Variants in DICER1 observed in about 807,000 individuals in gnomAD.
The protein encoded by DICER1 is endoribonuclease Dicer.
DICER1 carries 43 observed loss-of-function variants against 194.1 expected under a neutral mutation model. The observed-to-expected ratio is 0.22, with a 90% CI of 0.17 to 0.29. The LOEUF is 0.29. Ranked by LOEUF, DICER1 falls within the 10% of genes least tolerant of loss-of-function variation. DICER1 has a pLI of 1.00. For missense variants in DICER1, 1,608 were observed against 2,317.0 expected (o/e 0.69, Z 6.28); for synonymous variants, 832 against 820.5 (o/e 1.01, Z -0.24).
chr14:95,090,195 C>G lies in DICER1; in HGVS notation c.*303G>C. On this transcript the variant is annotated 3_prime_UTR_variant, in exon 27 of 27. Coordinates refer to ENST00000343455, the MANE Select transcript of DICER1 (RefSeq NM_177438.3). Reference sequence around the variant, plus strand: ...TCAAAAAAAAAAAAACAAAACCTGTCAATTATTTTGAGCACTTGCTAAATG... The same window carrying G: ...TCAAAAAAAAAAAAACAAAACCTGTGAATTATTTTGAGCACTTGCTAAATG... 2.3e-6 allele frequency: 1 copy of G among 428,986 alleles called. No homozygotes were observed. Among genetic ancestry groups the G allele is most frequent in the South Asian group, 2.5e-5 (1 of 40,268 alleles). The allele number at this position is 428,986 out of a possible 1,614,324, so 26.6% of individuals were successfully genotyped here.
intron 8 of DICER1, among the ~76,000 whole-genome samples, chr14:95,119,266 G>A (rs1022726551): frequency 1.3e-5 from 2 of 151,994 alleles, no homozygotes; most frequent in Non-Finnish European, 2.9e-5. Context: ...AAGAAATAGA[G>A]GCAACAACAG....
At chr14:95,106,323 T>A in intron 17 of DICER1, 100 bp from the exon 18 acceptor site, 2 of 904,170 alleles carry the variant, frequency 2.2e-6, no homozygotes, top group Non-Finnish European at 3.5e-6. Context: ...GATTAAGAAT[T>A]CAAAAGATTA....
chr14:95,136,790 C>T (rs139513971), intron 1 of DICER1: 1 of 152,342 alleles, frequency 6.6e-6, no homozygotes, highest in East Asian at 1.9e-4. Context: ...TGAAAAGATC[C>T]AGCCTTAGGA....
chr14:95,135,662 G>A (rs1894307188), intron 1 of DICER1, among the ~76,000 whole-genome samples: 1 of 152,152 alleles, frequency 6.6e-6, no homozygotes, highest in Admixed American at 6.5e-5. Flanking sequence ...CATAAAGATG[G>A]AAATAACAGA....
In DICER1 at chr14:95,095,753, C is replaced by G. The variant is rs576096928; in HGVS notation, c.5095+72G>C. ...ACTGTACATGCATAGATCACTTTTA[C>G]AAGGCCAACACGATGAGATCAACAC... On this transcript the variant is annotated intron_variant, in intron 23 of 26. Transcript: ENST00000343455. The G allele has an allele frequency of 2.9e-5, 44 of 1,534,440 alleles. No homozygotes were observed. The African/African-American group carries it at 5.2e-4, about 18-fold the overall frequency.
rs780197735 is a variant in DICER1 at position 95,105,644 on chromosome 14, A to T, written c.3093+34T>A. ...TTAATAATCTTTAATACTCAAACAA[A>T]TACTAAGTTATGCTAGTACAATTAA... On this transcript the variant is annotated intron_variant, in intron 19 of 26. Transcript: ENST00000343455. This position sits in a 1 kb window ranked among gnomAD's most constrained non-coding sequence, Gnocchi z 4.9. 57 of 1,403,502 alleles carry T rather than the reference A, an allele frequency of 4.1e-5. No homozygotes were observed. The highest frequency in any genetic ancestry group is 5.7e-5 in the Non-Finnish European group (56 of 988,760). The allele number at this position is 1,403,502 out of a possible 1,614,324, so 86.9% of individuals were successfully genotyped here.
intron 8 of DICER1, among the ~76,000 whole-genome samples, chr14:95,119,865 G>C (rs1892790785): frequency 6.6e-6 from 1 of 152,182 alleles, no homozygotes. Flanking sequence ...TGCTCTAAGA[G>C]TTTCTAAATG....
chr14:95,128,065 C>T (rs897187107), intron 6 of DICER1, among the ~76,000 whole-genome samples: 10 of 152,120 alleles, frequency 6.6e-5, no homozygotes, highest in Non-Finnish European at 1.5e-5. Context: ...AAGGAAAACT[C>T]CCCCAACTTT....
intron 11 of DICER1, among the ~76,000 whole-genome samples, chr14:95,114,795 G>A (rs1305772165): frequency 1.1e-4 from 16 of 152,154 alleles, no homozygotes; most frequent in Admixed American, 9.8e-4. Context: ...GGACACCATC[G>A]TCTCAGTGAT....
chr14:95,104,937 C>A (rs1181753526), intron 20 of DICER1, 134 bp downstream of exon 20: 4 of 857,734 alleles, frequency 4.7e-6, no homozygotes, highest in South Asian at 3.1e-5. Context: ...TGAGACTTGA[C>A]AAGACATAAG....
chr14:95,089,716 G>A lies in DICER1; in HGVS notation c.*782C>T, dbSNP rs563551631. On this transcript the variant is annotated 3_prime_UTR_variant, in exon 27 of 27. Transcript: ENST00000343455. ...CCTGTAATAAGTTACAACTATACTA[G>A]TGAGTTGTAAGTATCACGCTGTCTC... 44 of 232,064 alleles carry A rather than the reference G, an allele frequency of 1.9e-4. 1 individual carries two copies. Among genetic ancestry groups the A allele is most frequent in the Admixed American group, 9.6e-4 (17 of 17,758 alleles). 14.4% of individuals were successfully genotyped at this position (232,064 alleles called of 1,614,324 possible).
rs781651918 is a variant in DICER1 at position 95,105,136 on chromosome 14, C to T, written c.3204G>A (p.Glu1068=). 16 of 1,614,196 alleles carry T rather than the reference C, an allele frequency of 9.9e-6. No individual in the cohort carries two copies. The highest frequency in any genetic ancestry group is 2.2e-5 in the South Asian group (2 of 91,082). The part of the protein sequence containing the change: ...LYRLHCLLTA[E]ELRAQTASDA... ...CGCTGGCAGTCTGGGCTCTTAGCTC[C>T]TCTGCAGTCAAAAGGCAGTGAAGGC... The change falls in exon 20 of 27, where the codon GAG becomes GAA. Residue 1068 remains glutamate, a synonymous_variant. Transcript: ENST00000343455. This position sits in a 1 kb window ranked among gnomAD's most constrained non-coding sequence, Gnocchi z 4.9.
chr14:95,132,245 T>A (rs1212483288), intron 3 of DICER1, among the ~76,000 whole-genome samples: 14 of 152,166 alleles, frequency 9.2e-5, no homozygotes, highest in Admixed American at 9.2e-4. Context: ...AAAAAATAAA[T>A]GTAACAACTT....
Position 95,116,513 on chromosome 14 carries a change from C to T in DICER1, c.1692G>A (p.Ala564=), listed in dbSNP as rs143117334. ...RAPISNYIML[A]DTDKIKSFEE... ...CAAAACTTTTTATTTTGTCTGTATC[C>T]GCTAACATTATATAATTAGAGATGG... Residue 564 remains alanine, a synonymous_variant, in exon 10 of 27, where the codon GCG becomes GCA. Coordinates refer to ENST00000343455, the MANE Select transcript of DICER1 (RefSeq NM_177438.3). 9.4e-5 allele frequency: 152 copies of T among 1,613,474 alleles called. No homozygotes were observed. In the East Asian group the frequency reaches 1.3e-3, roughly 14 times the overall value.
rs1595299810 is a variant in DICER1, at chr14:95,087,009, T to C, written c.*3489A>G. The stretch of plus-strand genomic sequence containing the variant: ...GGTCTCAGTTTGGTGGCTTCAATCT[T>C]GTGTAAAGGGATTAGACACCCTAAC... On this transcript the variant is annotated 3_prime_UTR_variant, in exon 27 of 27. Coordinates refer to ENST00000343455, the MANE Select transcript of DICER1 (RefSeq NM_177438.3). 14 of 233,138 alleles carry C rather than the reference T, an allele frequency of 6.0e-5. No homozygotes were observed. In the East Asian group the frequency reaches 8.5e-4, roughly 14 times the overall value. The allele number at this position is 233,138 out of a possible 1,614,324, so 14.4% of individuals were successfully genotyped here. A position where few individuals can be genotyped will look rare whatever the true frequency, so the allele number is the denominator to read the frequency against.
intron 1 of DICER1, among the ~76,000 whole-genome samples, chr14:95,155,556 A>T (rs948182015): frequency 1.3e-5 from 2 of 150,626 alleles, no homozygotes; most frequent in African/African-American, 5.0e-5. Context: ...CAACCTAGCT[A>T]CCCAACTCAC....
chr14:95,154,653 T>C (rs888253379), intron 1 of DICER1, among the ~76,000 whole-genome samples: 7 of 152,122 alleles, frequency 4.6e-5, no homozygotes, highest in African/African-American at 1.7e-4. Flanking sequence ...GTTTCTCCAG[T>C]AGTCAGTGAC....
chr14:95,138,334 A>G (rs1292600009), intron 1 of DICER1, among the ~76,000 whole-genome samples: 1 of 151,886 alleles, frequency 6.6e-6, no homozygotes, highest in Non-Finnish European at 1.5e-5. Context: ...GTGGAAAAAA[A>G]AAACAGAGAA....
intron 15 of DICER1, 91 bp from the exon 16 acceptor site, chr14:95,108,184 G>A (rs1246485077): frequency 7.6e-7 from 1 of 1,309,302 alleles, no homozygotes; most frequent in South Asian, 1.2e-5. Flanking sequence ...ATGCTTTCTA[G>A]TGGAGAAATA....
Sources: allele counts gnomAD v4.1 joint callset (sites outside exome capture counted in the v4.1 genomes callset), GRCh38; gene constraint gnomAD v4.1.1; non-coding constraint Gnocchi (gnomAD v3.1); transcripts MANE v1.5; gene names NCBI Gene and HGNC (gene_info 2026-07-23, HGNC 2026-07-21).